The following PRDM10 variants were observed in gnomAD, a reference collection of about 807,000 sequenced individuals.
PRDM10 encodes PR/SET domain 10.
Under a neutral mutation model 133.1 loss-of-function variants are expected in PRDM10, and 65 were observed. That is an observed-to-expected ratio of 0.49 (90% CI 0.40 to 0.60). The LOEUF (loss-of-function observed/expected upper bound fraction) is 0.60, where lower values mean the gene tolerates loss of function less well. Ranked by LOEUF, PRDM10 falls within the 20% of genes least tolerant of loss-of-function variation. The pLI is 0.00. For missense variants in PRDM10, 1,137 were observed against 1,507.1 expected (o/e 0.75, Z 4.07); for synonymous variants, 582 against 580.4 (o/e 1.00, Z -0.04).
intron 11 of PRDM10, chr11:129,929,513 G>C (rs74612481): frequency 0.033 from 36,677 of 1,126,626 alleles, 727 homozygotes; most frequent in Non-Finnish European, 0.038. Flanking sequence ...AATCTGGATA[G>C]AAAAGATGAA....
chr11:129,999,256 C>T (rs1381657740), intron 1 of PRDM10, among the ~76,000 whole-genome samples: 3 of 152,158 alleles, frequency 2.0e-5, no homozygotes, highest in African/African-American at 7.2e-5. Context: ...AAATAAGTCA[C>T]GAAAAGTTCC....
chr11:129,935,004 C>T (rs967766012), intron 9 of PRDM10, 97 bp downstream of exon 9: 10 of 1,048,278 alleles, frequency 9.5e-6, no homozygotes, highest in African/African-American at 9.4e-5. Context: ...CCTATCTATA[C>T]ATGACACTCG....
intron 1 of PRDM10, among the ~76,000 whole-genome samples, chr11:129,987,852 T>G (rs1938513787): frequency 6.6e-6 from 1 of 151,964 alleles, no homozygotes; most frequent in African/African-American, 2.4e-5. Flanking sequence ...ACACAAAAAA[T>G]TAACTGGGCG....
intron 1 of PRDM10, among the ~76,000 whole-genome samples, chr11:129,986,919 A>G (rs1938467100): frequency 6.6e-6 from 1 of 152,218 alleles, no homozygotes; most frequent in Non-Finnish European, 1.5e-5. Context: ...GGAACACTCA[A>G]CAGTGCTCAT....
intron 1 of PRDM10, among the ~76,000 whole-genome samples, chr11:129,992,480 C>A (rs1214461478): frequency 1.3e-5 from 2 of 151,060 alleles, no homozygotes; most frequent in Non-Finnish European, 2.9e-5. Flanking sequence ...GCTCTTTCCC[C>A]TGTTTGCCAC....
At chr11:129,907,442 A>C (rs1277416028) in intron 19 of PRDM10, among the ~76,000 whole-genome samples, 1 of 152,140 alleles carries the variant, frequency 6.6e-6, no homozygotes, top group Non-Finnish European at 1.5e-5. Flanking sequence ...TCTCGCTCTG[A>C]TGCCCAGGCA....
At chr11:129,971,874 A>T (rs1010927852) in intron 1 of PRDM10, among the ~76,000 whole-genome samples, 1 of 152,208 alleles carries the variant, frequency 6.6e-6, no homozygotes, top group Non-Finnish European at 1.5e-5. Context: ...TGGGTGCCGT[A>T]GAGCAGGGGG....
chr11:129,913,059 CA>C (rs36096047), intron 17 of PRDM10, among the ~76,000 whole-genome samples: 82,641 of 143,894 alleles, frequency 0.57, 24,331 homozygotes, highest in African/African-American at 0.76. Context: ...GACTCCATCT[CA>C]AAAAAAAAAA....
At chr11:129,981,105 A>T (rs1362950457) in intron 1 of PRDM10, among the ~76,000 whole-genome samples, 3 of 152,102 alleles carry the variant, frequency 2.0e-5, no homozygotes, top group Non-Finnish European at 4.4e-5. Context: ...TCCTGACCTC[A>T]GGTGATCCGC....
chr11:129,908,429 T>C lies in PRDM10; in HGVS notation c.3163+2047A>G, dbSNP rs553876147. ...AAAGCTGCAGGAGCCACGATCATGC[T>C]ACTGCATTCTCCACCCTGGACGACA... On this transcript the variant is annotated intron_variant, in intron 19 of 20. Transcript: ENST00000360871. 5.3e-5 allele frequency among the ~76,000 whole-genome samples: 8 copies of C among 152,322 alleles called. No homozygotes were observed. In the East Asian group the frequency reaches 1.3e-3, roughly 26 times the overall value.
intron 1 of PRDM10, among the ~76,000 whole-genome samples, chr11:129,998,207 GTGTA>G (rs1432207407): frequency 2.6e-5 from 4 of 152,008 alleles, no homozygotes; most frequent in African/African-American, 7.2e-5. Flanking sequence ...CAAAATCTGA[GTGTA>G]TGTATTTCAC....
At chr11:129,993,684 C>A (rs1413989670) in intron 1 of PRDM10, among the ~76,000 whole-genome samples, 1 of 152,146 alleles carries the variant, frequency 6.6e-6, no homozygotes, top group Non-Finnish European at 1.5e-5. Flanking sequence ...CGGGGTTTCA[C>A]CATGTTAGCC....
rs1949797404 is a variant in PRDM10, at chr11:129,899,885, G to A, written c.*2428C>T. 6.6e-6 allele frequency: 1 copy of A among 152,652 alleles called. No homozygotes were observed. Among genetic ancestry groups the A allele is most frequent in the South Asian group, 2.1e-4 (1 of 4,834 alleles). 9.5% of individuals were successfully genotyped at this position (152,652 alleles called of 1,614,324 possible). A position where few individuals can be genotyped will look rare whatever the true frequency, so the allele number is the denominator to read the frequency against. ...CAGTGGGTCAGCTTTAGCATCTCATGAAGTGCTTTTTAGACCTAGATATCT... is the reference window on the plus strand; with the variant it reads ...CAGTGGGTCAGCTTTAGCATCTCATAAAGTGCTTTTTAGACCTAGATATCT... On this transcript the variant is annotated 3_prime_UTR_variant, in exon 21 of 21. Coordinates refer to ENST00000360871, the MANE Select transcript of PRDM10 (RefSeq NM_199437.2).
At position 129,912,203 on chromosome 11, in the gene PRDM10, T is replaced by A; in HGVS notation, c.2864A>T (p.Gln955Leu). The A allele has an allele frequency of 6.2e-7, 1 of 1,601,260 alleles. No homozygotes were observed. Residue 955 changes from glutamine (Q) to leucine (L), a missense_variant, in exon 18 of 21, where the codon CAG becomes CTG. Coordinates refer to ENST00000360871, the MANE Select transcript of PRDM10 (RefSeq NM_199437.2). Reference protein sequence around the residue: ...VASATSPHQSQQSTVDVGQLH... With the variant: ...VASATSPHQSLQSTVDVGQLH... ...CTGGCCAACATCCACAGTGGACTGC[T>A]GTGACTGGTGAGGGGAAGTGGCCTG...
intron 20 of PRDM10, among the ~76,000 whole-genome samples, chr11:129,903,834 G>A (rs187776451): frequency 7.1e-4 from 108 of 152,138 alleles, no homozygotes; most frequent in African/African-American, 2.6e-3. Flanking sequence ...TGACTCCTAG[G>A]GGGTCCATAG....
chr11:129,971,872 G>C (rs536764200), intron 1 of PRDM10, among the ~76,000 whole-genome samples: 26 of 152,228 alleles, frequency 1.7e-4, no homozygotes, highest in Non-Finnish European at 3.2e-4. Flanking sequence ...ACTGGGTGCC[G>C]TAGAGCAGGG....
chr11:129,912,306 G>A (rs1297525771), intron 17 of PRDM10, 81 bp from the exon 18 acceptor site: 1 of 1,354,388 alleles, frequency 7.4e-7, no homozygotes, highest in Non-Finnish European at 9.9e-7. Flanking sequence ...AAAAGGTTCA[G>A]TTAAAAACAA....
Position 129,937,093 on chromosome 11 carries a change from G to A in PRDM10, c.1039+505C>T, listed in dbSNP as rs550412766. 6.6e-5 allele frequency among the ~76,000 whole-genome samples: 10 copies of A among 152,344 alleles called. No individual in the cohort carries two copies. In the South Asian group the frequency reaches 2.1e-3, roughly 32 times the overall value. On this transcript the variant is annotated intron_variant, in intron 8 of 20. Transcript: ENST00000360871. ...TTATGTGTGGTACTAGAAGTCAGGA[G>A]AGAGTTACGCTTGGGAGTGAGTAGG...
At position 129,978,376 on chromosome 11, in the gene PRDM10, G is replaced by C. The variant is rs191188931; in HGVS notation, c.-118-17294C>G. The stretch of plus-strand genomic sequence containing the variant: ...CAATGGCAGATACATTTCAGAGAAA[G>C]TCATGCTTCTGATATGAGACTGAGC... On this transcript the variant is annotated intron_variant, in intron 1 of 20. Coordinates refer to ENST00000360871, the MANE Select transcript of PRDM10 (RefSeq NM_199437.2). Among the ~76,000 whole-genome samples the C allele has an allele frequency of 3.5e-3, 533 of 152,286 alleles. 1 individual carries two copies. The highest frequency in any genetic ancestry group is 6.1e-3 in the Non-Finnish European group (415 of 68,020).
Sources: gnomAD v4.1 joint callset for allele counts (sites outside exome capture counted in the v4.1 genomes callset) on GRCh38, gnomAD v4.1.1 for gene constraint, MANE v1.5 for transcripts, NCBI Gene and HGNC (gene_info 2026-07-23, HGNC 2026-07-21) for gene names.